SEMA3E: variants seen among roughly 807,000 people sequenced by gnomAD.
SEMA3E encodes semaphorin-3E.
In SEMA3E, 49 loss-of-function variants were observed where a neutral mutation model predicts 93.6. That is an observed-to-expected ratio of 0.52 (90% CI 0.42 to 0.66). The LOEUF is 0.66. Among genes scored for constraint, SEMA3E ranks in the 30% least tolerant of loss-of-function variants. The pLI, the probability that SEMA3E is intolerant of heterozygous loss-of-function variation, is 0.00. For synonymous variants in SEMA3E, 363 were observed against 330.7 expected (o/e 1.10, Z -1.06); for missense variants, 906 against 964.8 (o/e 0.94, Z 0.81).
chr7:83,378,160 C>T (rs1481737043), intron 16 of SEMA3E, among the ~76,000 whole-genome samples: 1 of 151,614 alleles, frequency 6.6e-6, no homozygotes, highest in African/African-American at 2.4e-5. Context: ...ATATATATAG[C>T]CACTGAATTT....
At chr7:83,528,557 G>T (rs530963509) in intron 1 of SEMA3E, among the ~76,000 whole-genome samples, 1 of 152,114 alleles carries the variant, frequency 6.6e-6, no homozygotes, top group African/African-American at 2.4e-5. Flanking sequence ...ATTTACTATT[G>T]ATTTTAATAT....
At chr7:83,558,640 GAACC>G (rs984401673) in intron 1 of SEMA3E, among the ~76,000 whole-genome samples, 15 of 152,096 alleles carry the variant, frequency 9.9e-5, no homozygotes, top group South Asian at 6.2e-4. Flanking sequence ...TTTCAGATAT[GAACC>G]AACTATTTTA....
chr7:83,514,673 A>C (rs1446472271), intron 1 of SEMA3E, among the ~76,000 whole-genome samples: 2 of 152,166 alleles, frequency 1.3e-5, no homozygotes, highest in African/African-American at 4.8e-5. Flanking sequence ...TTTAATTGGA[A>C]AGTATCCAAA....
intron 1 of SEMA3E, among the ~76,000 whole-genome samples, chr7:83,551,807 T>C (rs969293993): frequency 2.0e-5 from 3 of 152,134 alleles, no homozygotes; most frequent in African/African-American, 2.4e-5. Flanking sequence ...GGCTATCTTG[T>C]GCTTTGCAGG....
chr7:83,589,407 C>CATAG (rs1462303111), intron 1 of SEMA3E, among the ~76,000 whole-genome samples: 2 of 152,026 alleles, frequency 1.3e-5, no homozygotes, highest in African/African-American at 4.8e-5. Context: ...ATTTGAGTTT[C>CATAG]ATAGATATAA....
intron 16 of SEMA3E, among the ~76,000 whole-genome samples, chr7:83,373,648 A>G (rs1274386210): frequency 6.6e-6 from 1 of 152,144 alleles, no homozygotes; most frequent in Admixed American, 6.6e-5. Context: ...TGCAGGAAAG[A>G]AAGTCATTAT....
At position 83,385,394 on chromosome 7, in the gene SEMA3E, C is replaced by T; in HGVS notation, c.1775G>A (p.Gly592Asp). Residue 592 changes from glycine to aspartate, a missense_variant, in exon 16 of 17, where the codon GGC becomes GAC. Physicochemically the swap from Gly to Asp is moderately conservative, Grantham distance 94. Transcript: ENST00000643230. ...CAGCAAAGTACTGTTGTTCTCTATGCCATAAGCCAGATGTTCTTCAGTCTT... is the reference window on the plus strand; with the variant it reads ...CAGCAAAGTACTGTTGTTCTCTATGTCATAAGCCAGATGTTCTTCAGTCTT... ...LDKTEEHLAY[G>D]IENNSTLLEC... The T allele has an allele frequency of 1.2e-6, 2 of 1,613,466 alleles. No homozygotes were observed. The highest frequency in any genetic ancestry group is 1.7e-6 in the Non-Finnish European group (2 of 1,179,614).
At position 83,394,567 on chromosome 7, in the gene SEMA3E, TA is replaced by T. The variant is rs539431026; in HGVS notation, c.1459-230del. Among the ~76,000 whole-genome samples, 8 of 114,720 alleles carry T rather than the reference TA, an allele frequency of 7.0e-5. No homozygotes were observed. In the East Asian group the frequency reaches 2.7e-3, roughly 38 times the overall value. 75.3% of individuals were successfully genotyped at this position (114,720 alleles called of 152,430 possible). ...CAGATGAGAAGAGCAGCAGGAAATC[TA>T]ACCAGCTTACTGTTTGGAATATGAT... On this transcript the variant is annotated intron_variant, in intron 12 of 16. Transcript: ENST00000643230.
intron 15 of SEMA3E, among the ~76,000 whole-genome samples, chr7:83,385,678 A>C (rs892084795): frequency 2.0e-5 from 3 of 152,082 alleles, no homozygotes; most frequent in East Asian, 3.9e-4. Flanking sequence ...AAAGGATGGG[A>C]CAGGATAGTC....
intron 4 of SEMA3E, among the ~76,000 whole-genome samples, chr7:83,451,222 T>G (rs999298111): frequency 1.3e-5 from 2 of 152,184 alleles, no homozygotes; most frequent in African/African-American, 2.4e-5. Flanking sequence ...TTAATCCTCT[T>G]TCCTTTATAA....
At chr7:83,632,910 A>G (rs1584377215) in intron 1 of SEMA3E, among the ~76,000 whole-genome samples, 1 of 152,182 alleles carries the variant, frequency 6.6e-6, no homozygotes, top group Non-Finnish European at 1.5e-5. Flanking sequence ...TAAACATGTG[A>G]CCACCTATCT....
chr7:83,458,124 A>T (rs1584261270), intron 4 of SEMA3E, among the ~76,000 whole-genome samples: 1 of 151,516 alleles, frequency 6.6e-6, no homozygotes, highest in Non-Finnish European at 1.5e-5. Context: ...ATAAACATTC[A>T]ACTATTGGAA....
intron 1 of SEMA3E, among the ~76,000 whole-genome samples, chr7:83,521,429 G>T (rs1172173010): frequency 6.6e-6 from 1 of 152,094 alleles, no homozygotes; most frequent in African/African-American, 2.4e-5. Flanking sequence ...GGCATAGTTG[G>T]TATTACAAGG....
At chr7:83,394,211 T>A (rs1278053056) in intron 13 of SEMA3E, 86 bp downstream of exon 13, 27 of 1,362,066 alleles carry the variant, frequency 2.0e-5, no homozygotes, top group Non-Finnish European at 2.4e-5. Flanking sequence ...TTTAAGCACA[T>A]GTACTAATGT....
At chr7:83,545,196 G>A (rs1444190251) in intron 1 of SEMA3E, among the ~76,000 whole-genome samples, 1 of 151,944 alleles carries the variant, frequency 6.6e-6, no homozygotes, top group Non-Finnish European at 1.5e-5. Context: ...TTTAGAAACG[G>A]GAGCCATAAT....
At chr7:83,417,590 G>A (rs868691790) in intron 5 of SEMA3E, among the ~76,000 whole-genome samples, 6 of 152,030 alleles carry the variant, frequency 3.9e-5, no homozygotes, top group Admixed American at 1.3e-4. Context: ...ATCTCTCAAC[G>A]CTGAGGGAAG....
intron 1 of SEMA3E, among the ~76,000 whole-genome samples, chr7:83,599,647 A>G (rs2115976187): frequency 6.6e-6 from 1 of 152,346 alleles, no homozygotes; most frequent in Non-Finnish European, 1.5e-5. Context: ...ACATACAAAT[A>G]ACTACATTCA....
intron 1 of SEMA3E, among the ~76,000 whole-genome samples, chr7:83,546,323 T>G (rs1267800536): frequency 7.8e-4 from 7 of 9,030 alleles, no homozygotes; most frequent in Middle Eastern, 0.071. Flanking sequence ...TAATAAGGGG[T>G]GTGTGTGTGT....
chr7:83,406,562 A>T (rs1328220253), intron 7 of SEMA3E, among the ~76,000 whole-genome samples: 1 of 119,086 alleles, frequency 8.4e-6, no homozygotes, highest in Non-Finnish European at 1.9e-5. Context: ...ATTTATATGT[A>T]AATTTATTTT....
Sources: gnomAD v4.1 joint callset for allele counts (sites outside exome capture counted in the v4.1 genomes callset) on GRCh38, gnomAD v4.1.1 for gene constraint, MANE v1.5 for transcripts, NCBI Gene and HGNC (gene_info 2026-07-23, HGNC 2026-07-21) for gene names.